Variants in GRM7 observed in about 807,000 individuals in gnomAD.
GRM7 encodes the protein metabotropic glutamate receptor 7.
A neutral mutation model predicts 84.5 loss-of-function variants in GRM7; 35 were observed. The observed-to-expected ratio is 0.41, with a 90% CI of 0.32 to 0.55. GRM7 has a LOEUF of 0.55. Ranked by LOEUF, GRM7 falls within the 20% of genes least tolerant of loss-of-function variation. The pLI is 0.19. For missense variants in GRM7, 1,003 were observed against 1,194.6 expected (o/e 0.84, Z 2.36); for synonymous variants, 487 against 455.1 (o/e 1.07, Z -0.89).
At chr3:7,642,810 C>A (rs566440248) in intron 8 of GRM7, among the ~76,000 whole-genome samples, 1 of 152,140 alleles carries the variant, frequency 6.6e-6, no homozygotes, top group Admixed American at 6.5e-5. Flanking sequence ...ATGAATAAAT[C>A]AGAAAAATCT....
At chr3:7,483,345 G>T (rs540479763) in intron 7 of GRM7, among the ~76,000 whole-genome samples, 51 of 152,306 alleles carry the variant, frequency 3.3e-4, no homozygotes, top group African/African-American at 1.2e-3. Flanking sequence ...TGAACATGAC[G>T]GTTGATTTGA....
At chr3:7,444,030 A>G (rs989774782) in intron 5 of GRM7, among the ~76,000 whole-genome samples, 1 of 152,210 alleles carries the variant, frequency 6.6e-6, no homozygotes, top group Non-Finnish European at 1.5e-5. Context: ...TGTCAACCTG[A>G]TCTATTCACT....
At chr3:7,432,741 A>G (rs1463860903) in intron 5 of GRM7, among the ~76,000 whole-genome samples, 3 of 152,244 alleles carry the variant, frequency 2.0e-5, no homozygotes, top group Admixed American at 2.0e-4. Context: ...AGGCTATCAA[A>G]AATGATAAAA....
At chr3:7,623,292 G>A (rs1697447206) in intron 8 of GRM7, among the ~76,000 whole-genome samples, 1 of 152,166 alleles carries the variant, frequency 6.6e-6, no homozygotes, top group African/African-American at 2.4e-5. Flanking sequence ...CAGAATTGAA[G>A]AGGGACAGAG....
At chr3:6,964,628 T>C (rs547369599) in intron 1 of GRM7, among the ~76,000 whole-genome samples, 2 of 152,306 alleles carry the variant, frequency 1.3e-5, no homozygotes, top group South Asian at 2.1e-4. Flanking sequence ...AAGTCTCCCA[T>C]CTGCAATTAT....
At chr3:6,920,325 C>G (rs1395957012) in intron 1 of GRM7, among the ~76,000 whole-genome samples, 1 of 152,110 alleles carries the variant, frequency 6.6e-6, no homozygotes, top group African/African-American at 2.4e-5. Context: ...GAGGCCGAGG[C>G]GAGAGGATTA....
chr3:7,525,364 C>A (rs1700753825), intron 7 of GRM7, among the ~76,000 whole-genome samples: 1 of 151,942 alleles, frequency 6.6e-6, no homozygotes, highest in Non-Finnish European at 1.5e-5. Context: ...GAATCCAAAT[C>A]TTTGGGAATG....
intron 1 of GRM7, among the ~76,000 whole-genome samples, chr3:7,081,387 A>T (rs1190673936): frequency 1.3e-5 from 2 of 152,076 alleles, no homozygotes. Context: ...TATTGCAATT[A>T]TTGTGGGGCA....
In GRM7 at chr3:7,436,237, A is replaced by G. The variant is rs373257489; in HGVS notation, c.1175-16370A>G. Among the ~76,000 whole-genome samples the G allele has an allele frequency of 9.1e-4, 139 of 152,016 alleles. 5 individuals are homozygous for G. In the South Asian group the frequency reaches 0.027, roughly 29 times the overall value. On this transcript the variant is annotated intron_variant, in intron 5 of 9. Transcript: ENST00000357716. ...TTCATCTATTTCTACTGTTGTCTTT[A>G]TATCCCTCTTTCTGGTAACTTTTTG...
chr3:7,144,909 G>A (rs545206747), intron 1 of GRM7, among the ~76,000 whole-genome samples: 33 of 152,282 alleles, frequency 2.2e-4, no homozygotes, highest in South Asian at 1.5e-3. Flanking sequence ...GCCCTCCAAT[G>A]GTCATAGAGC....
intron 8 of GRM7, among the ~76,000 whole-genome samples, chr3:7,579,708 G>GA (rs1695155861): frequency 6.6e-6 from 1 of 150,986 alleles, no homozygotes; most frequent in Non-Finnish European, 1.5e-5. Context: ...TTGGGGGTAG[G>GA]AAAAGAGGAG....
chr3:7,236,182 C>T (rs1237453770), intron 2 of GRM7, among the ~76,000 whole-genome samples: 2 of 152,146 alleles, frequency 1.3e-5, no homozygotes, highest in African/African-American at 4.8e-5. Context: ...CTCCCAAAAA[C>T]CCCATCTATT....
At chr3:7,348,772 G>A (rs572522311) in intron 4 of GRM7, among the ~76,000 whole-genome samples, 2 of 152,180 alleles carry the variant, frequency 1.3e-5, no homozygotes, top group South Asian at 4.1e-4. Flanking sequence ...TAGCAATAGG[G>A]CCTGGCAATC....
At chr3:7,114,285 A>G (rs1449799742) in intron 1 of GRM7, among the ~76,000 whole-genome samples, 1 of 152,170 alleles carries the variant, frequency 6.6e-6, no homozygotes, top group Non-Finnish European at 1.5e-5. Context: ...TTATTACACA[A>G]ATGCAACCCA....
chr3:7,285,509 G>A (rs1396713568), intron 2 of GRM7, among the ~76,000 whole-genome samples: 1 of 152,170 alleles, frequency 6.6e-6, no homozygotes, highest in East Asian at 1.9e-4. Context: ...TCTTTTGAGA[G>A]CGCAAAATGA....
intron 1 of GRM7, among the ~76,000 whole-genome samples, chr3:7,063,586 C>T (rs889054763): frequency 2.4e-4 from 36 of 151,826 alleles, no homozygotes; most frequent in African/African-American, 8.4e-4. Flanking sequence ...TCTATAAGCT[C>T]TCAGATAATT....
At chr3:7,228,056 T>G (rs1169032646) in intron 2 of GRM7, among the ~76,000 whole-genome samples, 1 of 152,180 alleles carries the variant, frequency 6.6e-6, no homozygotes, top group Non-Finnish European at 1.5e-5. Flanking sequence ...TGTGATTAGC[T>G]CTAATATTAT....
chr3:7,093,716 G>T (rs1458428374), intron 1 of GRM7, among the ~76,000 whole-genome samples: 2 of 12,762 alleles, frequency 1.6e-4, no homozygotes, highest in East Asian at 2.6e-3. Context: ...AAAAAAAAAG[G>T]TAGTTAGTGG....
chr3:7,116,205 T>C (rs1016266176), intron 1 of GRM7, among the ~76,000 whole-genome samples: 21 of 152,136 alleles, frequency 1.4e-4, no homozygotes, highest in Non-Finnish European at 3.1e-4. Flanking sequence ...TTGGTAGTTA[T>C]TAGGCTTAGT....
Sources: gnomAD v4.1 joint callset for allele counts (sites outside exome capture counted in the v4.1 genomes callset) on GRCh38, gnomAD v4.1.1 for gene constraint, MANE v1.5 for transcripts, NCBI Gene and HGNC (gene_info 2026-07-23, HGNC 2026-07-21) for gene names.